RIMS1: variants seen among roughly 807,000 people sequenced by gnomAD.
RIMS1 encodes regulating synaptic membrane exocytosis protein 1.
RIMS1 carries 83 observed loss-of-function variants against 214.1 expected under a neutral mutation model. The ratio of observed to expected loss-of-function variants is 0.39; its 90% CI spans 0.32 to 0.47. The LOEUF (loss-of-function observed/expected upper bound fraction) is 0.47. RIMS1 is among the 20% of genes least tolerant of loss of function. The pLI, the probability that RIMS1 is intolerant of heterozygous loss-of-function variation, is 0.99. For missense variants in RIMS1, 2,050 were observed against 2,161.8 expected, an observed-to-expected ratio of 0.95 and a Z score of 1.03; for synonymous variants, 793 against 786.8, an observed-to-expected ratio of 1.01 and a Z score of -0.13.
intron 13 of RIMS1, 129 bp downstream of exon 13, chr6:72,250,589 G>GA: frequency 4.7e-6 from 3 of 636,618 alleles, no homozygotes; most frequent in Non-Finnish European, 5.0e-6. Context: ...CATTATCTCT[G>GA]AAAAAAGAAG....
intron 29 of RIMS1, among the ~76,000 whole-genome samples, chr6:72,373,270 A>G (rs996496638): frequency 3.9e-5 from 6 of 152,218 alleles, no homozygotes; most frequent in Non-Finnish European, 5.9e-5. Flanking sequence ...TTAGTATTGC[A>G]TAAGCCAGTA....
At chr6:72,282,857 G>A (rs184694769) in intron 23 of RIMS1, among the ~76,000 whole-genome samples, 1 of 151,858 alleles carries the variant, frequency 6.6e-6, no homozygotes, top group Non-Finnish European at 1.5e-5. Flanking sequence ...TATCTTAAAA[G>A]TGGTATGTCA....
Position 72,183,225 on chromosome 6 carries a change from A to G in RIMS1, c.1678+76A>G, listed in dbSNP as rs2048597011. The G allele has an allele frequency of 5.5e-6, 8 of 1,462,438 alleles. No individual in the cohort carries two copies. The South Asian group carries it at 6.1e-5, about 11-fold the overall frequency. 90.6% of individuals were successfully genotyped at this position (1,462,438 alleles called of 1,614,324 possible). A position where few individuals can be genotyped will look rare whatever the true frequency, so the allele number is the denominator to read the frequency against. On this transcript the variant is annotated intron_variant, in intron 6 of 33. Transcript: ENST00000521978. ...TGGGCAGAGGTGCAGGTGCTAGGCT[A>G]GTTGCTGGGTTCAGCATTGAGGCTG...
At chr6:72,215,248 G>T (rs973025177) in intron 6 of RIMS1, among the ~76,000 whole-genome samples, 15 of 152,122 alleles carry the variant, frequency 9.9e-5, no homozygotes, top group Non-Finnish European at 2.1e-4. Flanking sequence ...TAAGACTTCA[G>T]CCCCAATAGC....
At chr6:72,103,841 G>A (rs2034177975) in intron 4 of RIMS1, among the ~76,000 whole-genome samples, 1 of 152,018 alleles carries the variant, frequency 6.6e-6, no homozygotes, top group Admixed American at 6.6e-5. Flanking sequence ...ATATTGCAAG[G>A]GAATGAAGTA....
At chr6:72,029,852 A>T (rs760546663) in intron 2 of RIMS1, among the ~76,000 whole-genome samples, 2 of 152,190 alleles carry the variant, frequency 1.3e-5, no homozygotes, top group African/African-American at 2.4e-5. Flanking sequence ...TTGTTGAGTG[A>T]TGTCATACTT....
At chr6:72,246,526 A>G (rs1446950893) in intron 11 of RIMS1, among the ~76,000 whole-genome samples, 4 of 152,194 alleles carry the variant, frequency 2.6e-5, no homozygotes, top group Admixed American at 2.6e-4. Flanking sequence ...CTTGGGCTTG[A>G]TTCCCCAGGT....
At chr6:72,063,024 A>C (rs1007887708) in intron 2 of RIMS1, among the ~76,000 whole-genome samples, 3 of 152,190 alleles carry the variant, frequency 2.0e-5, no homozygotes, top group Non-Finnish European at 4.4e-5. Context: ...TTAGGACTCT[A>C]GGACTCCAAC....
At chr6:72,066,547 C>G (rs1829341710) in intron 2 of RIMS1, among the ~76,000 whole-genome samples, 1 of 152,064 alleles carries the variant, frequency 6.6e-6, no homozygotes, top group South Asian at 2.1e-4. Flanking sequence ...CTTTTGTTTT[C>G]TTTATAACTC....
intron 4 of RIMS1, among the ~76,000 whole-genome samples, chr6:72,109,783 G>A (rs551268491): frequency 3.9e-4 from 60 of 152,206 alleles, no homozygotes; most frequent in African/African-American, 1.1e-3. Context: ...GCCCATGCCT[G>A]TGTCCTGAAT....
At chr6:72,054,981 A>G (rs146344910) in intron 2 of RIMS1, among the ~76,000 whole-genome samples, 54 of 152,262 alleles carry the variant, frequency 3.5e-4, no homozygotes, top group Non-Finnish European at 5.7e-4. Context: ...TTGGCATTTC[A>G]TCATGAAGTC....
At chr6:71,917,966 T>C (rs1413081763) in intron 1 of RIMS1, among the ~76,000 whole-genome samples, 1 of 152,100 alleles carries the variant, frequency 6.6e-6, no homozygotes, top group African/African-American at 2.4e-5. Flanking sequence ...GGAGGTCCAA[T>C]TGATGGGTGG....
At chr6:72,133,438 A>G (rs2040781714) in intron 4 of RIMS1, among the ~76,000 whole-genome samples, 1 of 152,198 alleles carries the variant, frequency 6.6e-6, no homozygotes, top group African/African-American at 2.4e-5. Flanking sequence ...CAAAACTAGA[A>G]AAACAGACAC....
intron 6 of RIMS1, among the ~76,000 whole-genome samples, chr6:72,184,996 A>T (rs1335234671): frequency 6.6e-6 from 1 of 152,206 alleles, no homozygotes; most frequent in African/African-American, 2.4e-5. Context: ...CCTGGACTAG[A>T]TACATGGATG....
chr6:72,164,098 C>T (rs1455570646), intron 4 of RIMS1, among the ~76,000 whole-genome samples: 1 of 152,144 alleles, frequency 6.6e-6, no homozygotes, highest in African/African-American at 2.4e-5. Context: ...TGGTGGGCGC[C>T]CCTCCCCCAG....
intron 5 of RIMS1, among the ~76,000 whole-genome samples, chr6:72,182,000 C>A (rs572843087): frequency 3.9e-5 from 6 of 152,252 alleles, no homozygotes; most frequent in African/African-American, 1.4e-4. Flanking sequence ...TAAATTGATT[C>A]AATGTAAACT....
At chr6:72,006,462 G>C (rs1807678883) in intron 2 of RIMS1, among the ~76,000 whole-genome samples, 1 of 152,194 alleles carries the variant, frequency 6.6e-6, no homozygotes, top group African/African-American at 2.4e-5. Flanking sequence ...CATCTACTGG[G>C]GAGTGTTGGA....
chr6:72,150,403 G>A (rs1341622660), intron 4 of RIMS1, among the ~76,000 whole-genome samples: 1 of 152,176 alleles, frequency 6.6e-6, no homozygotes, highest in Non-Finnish European at 1.5e-5. Context: ...TGGCTTGAAG[G>A]TGGGGTTTCA....
At position 72,182,632 on chromosome 6, in the gene RIMS1, G is replaced by T; in HGVS notation, c.1161G>T (p.Glu387Asp). 2 of 1,544,450 alleles carry T rather than the reference G, an allele frequency of 1.3e-6. No homozygotes were observed. Among genetic ancestry groups the T allele is most frequent in the Middle Eastern group, 2.3e-4 (1 of 4,442 alleles). ...CCCGGGTGTCCCGCGCCAGGCACGA[G>T]CGGCGCCACAGCGACGTGGCGCTCC... is the stretch of plus-strand genomic sequence containing the variant. ...MHARVSRARH[E>D]RRHSDVALPR... Residue 387 changes from glutamate (E) to aspartate (D), a missense_variant, in exon 6 of 34, where the codon GAG (glutamate) becomes GAT (aspartate). Around this residue, in one of 6 missense-constraint regions of RIMS1, gnomAD observed 882 missense variants for 828.9 expected, o/e 1.06. Transcript: ENST00000521978.
Sources: allele counts gnomAD v4.1 joint callset (sites outside exome capture counted in the v4.1 genomes callset), GRCh38; gene constraint gnomAD v4.1.1; regional missense constraint gnomAD v4.1.1; transcripts MANE v1.5; gene names NCBI Gene and HGNC (gene_info 2026-07-23, HGNC 2026-07-21).